The following BRF1 variants were observed in gnomAD, a reference collection of about 807,000 sequenced individuals.
BRF1 encodes the protein transcription factor IIIB 90 kDa subunit.
A neutral mutation model predicts 81.7 loss-of-function variants in BRF1; 59 were observed. That is an observed-to-expected ratio of 0.72 (90% confidence interval 0.59 to 0.90). BRF1 has a LOEUF of 0.90. BRF1 is among the 40% of genes least tolerant of loss of function. The pLI, the probability that BRF1 is intolerant of heterozygous loss-of-function variation, is 0.00. For synonymous variants in BRF1, 491 were observed against 395.6 expected (o/e 1.24, Z -2.86); for missense variants, 1,050 against 936.3 (o/e 1.12, Z -1.58).
Position 105,241,701 on chromosome 14 carries a change from G to A in BRF1, c.545-287C>T, listed in dbSNP as rs1437477571. ...TGGCCGCCCTGCTCAGGACACAGAGGGGCGCACACCCAGCAGCCTTCCCTC... is the reference window on the plus strand; with the variant it reads ...TGGCCGCCCTGCTCAGGACACAGAGAGGCGCACACCCAGCAGCCTTCCCTC... On this transcript the variant is annotated intron_variant, in intron 5 of 17. Coordinates refer to ENST00000547530, the MANE Select transcript of BRF1 (RefSeq NM_001519.4). The A allele has an allele frequency of 2.1e-5, 10 of 483,186 alleles. No individual in the cohort carries two copies. In the Admixed American group the frequency reaches 3.0e-4, roughly 14 times the overall value. The allele number at this position is 483,186 out of a possible 1,614,324, so 29.9% of individuals were successfully genotyped here. A position where few individuals can be genotyped will look rare whatever the true frequency, so the allele number is the denominator to read the frequency against.
intron 7 of BRF1, among the ~76,000 whole-genome samples, 160 bp downstream of exon 7, chr14:105,228,660 G>A (rs970530489): frequency 7.2e-5 from 11 of 152,098 alleles, no homozygotes; most frequent in Non-Finnish European, 1.6e-4. Flanking sequence ...CCACCAGCAC[G>A]TCCAAGCCAT....
Position 105,221,640 on chromosome 14 carries a change from G to A in BRF1, c.1315+8C>T, listed in dbSNP as rs747215596. 3.7e-6 allele frequency: 6 copies of A among 1,607,586 alleles called. 1 individual carries two copies. In the East Asian group the frequency reaches 1.3e-4, roughly 36 times the overall value. On this transcript the variant is annotated splice_region_variant and intron_variant, in intron 11 of 17. Transcript: ENST00000547530. ...CTCAGCGTCCCCCAGGGCCCCATCA[G>A]AACTCACTGGGGTCGCTGCTCTGAG...
At chr14:105,313,057 G>A (rs143538133) in intron 1 of BRF1, among the ~76,000 whole-genome samples, 1 of 152,278 alleles carries the variant, frequency 6.6e-6, no homozygotes, top group African/African-American at 2.4e-5. Flanking sequence ...GAGGGGCACC[G>A]CTCAATGGTG....
In BRF1 at chr14:105,251,156, G is replaced by A. The variant is rs200482515; in HGVS notation, c.544+1351C>T. On this transcript the variant is annotated intron_variant, in intron 5 of 17. Coordinates refer to ENST00000547530, the MANE Select transcript of BRF1 (RefSeq NM_001519.4). ...GGGGTATTCTCTTTCTCATGCAACA[G>A]AACAGCTCCCTCCCATCCCGAGGAG... 6 of 164,914 alleles carry A rather than the reference G, an allele frequency of 3.6e-5. No individual in the cohort carries two copies. In the East Asian group the frequency reaches 5.2e-4, roughly 14 times the overall value. The allele number at this position is 164,914 out of a possible 1,614,324, so 10.2% of individuals were successfully genotyped here. A position where few individuals can be genotyped will look rare whatever the true frequency, so the allele number is the denominator to read the frequency against.
chr14:105,281,141 T>C (rs1362270560), intron 2 of BRF1, among the ~76,000 whole-genome samples: 28 of 128,438 alleles, frequency 2.2e-4, no homozygotes, highest in African/African-American at 6.8e-4. Flanking sequence ...CCCGGGTGTG[T>C]GGATACAGGC....
At chr14:105,260,706 G>A (rs2056108933) in intron 3 of BRF1, among the ~76,000 whole-genome samples, 1 of 152,172 alleles carries the variant, frequency 6.6e-6, no homozygotes, top group Admixed American at 6.5e-5. Context: ...AATGGGATAA[G>A]TGTGTACATT....
chr14:105,265,707 C>G (rs903024532), intron 3 of BRF1, among the ~76,000 whole-genome samples: 3 of 151,978 alleles, frequency 2.0e-5, no homozygotes, highest in African/African-American at 7.3e-5. Context: ...ACCATCCTGG[C>G]TAACACAGTG....
intron 1 of BRF1, among the ~76,000 whole-genome samples, chr14:105,298,648 T>C (rs1418760168): frequency 7.0e-6 from 1 of 143,370 alleles, no homozygotes; most frequent in Non-Finnish European, 1.5e-5. Context: ...TGAGGTCAGG[T>C]GTTCAAGACC....
At chr14:105,278,351 G>C (rs1012420795) in intron 2 of BRF1, among the ~76,000 whole-genome samples, 1 of 151,498 alleles carries the variant, frequency 6.6e-6, no homozygotes, top group South Asian at 2.1e-4. Flanking sequence ...AGGACTGCTT[G>C]AGCTTGGAAG....
intron 7 of BRF1, chr14:105,227,075 C>T: frequency 3.2e-6 from 1 of 309,026 alleles, no homozygotes; most frequent in Non-Finnish European, 6.0e-6. Flanking sequence ...GTGATAGCGC[C>T]ACTGGCCTCC....
At chr14:105,306,541 G>C (rs1195740111) in intron 1 of BRF1, among the ~76,000 whole-genome samples, 1 of 151,942 alleles carries the variant, frequency 6.6e-6, no homozygotes, top group African/African-American at 2.4e-5. Flanking sequence ...CTGACCTCGT[G>C]ATCTGCCCAC....
rs189021889 is a variant in BRF1 at position 105,229,257 on chromosome 14, C to T, written c.695-344G>A. Among the ~76,000 whole-genome samples the T allele has an allele frequency of 2.7e-3, 410 of 152,336 alleles. 3 individuals are homozygous for T. The highest frequency in any genetic ancestry group is 4.5e-3 in the Admixed American group (69 of 15,298). Reference sequence around the variant, plus strand: ...ATGGGAGCTGGGGACTCTGAGGATGCGGAGCCAGGCTGGGCAGGAAAGGGG... The same window carrying T: ...ATGGGAGCTGGGGACTCTGAGGATGTGGAGCCAGGCTGGGCAGGAAAGGGG... On this transcript the variant is annotated intron_variant, in intron 6 of 17. Transcript: ENST00000547530.
At chr14:105,244,497 T>C (rs587679015) in intron 5 of BRF1, among the ~76,000 whole-genome samples, 2 of 145,952 alleles carry the variant, frequency 1.4e-5, no homozygotes, top group Non-Finnish European at 3.1e-5. Flanking sequence ...AATCTGTCAG[T>C]GACTAGGGTG....
At chr14:105,248,429 G>T in intron 5 of BRF1, 1 of 985,330 alleles carries the variant, frequency 1.0e-6, no homozygotes, top group Non-Finnish European at 1.2e-6. Flanking sequence ...TGCACAGCGC[G>T]CGGCTCGCGC....
At chr14:105,249,926 C>T (rs764258844) in intron 5 of BRF1, 5 of 1,611,380 alleles carry the variant, frequency 3.1e-6, no homozygotes, top group East Asian at 2.2e-5. Flanking sequence ...CATTGTCACT[C>T]GGGAGGCCCT....
chr14:105,241,090 A>C (rs952150927), intron 6 of BRF1, among the ~76,000 whole-genome samples, 175 bp downstream of exon 6: 8 of 152,206 alleles, frequency 5.3e-5, no homozygotes, highest in Non-Finnish European at 1.0e-4. Flanking sequence ...GGCAGCCAGG[A>C]GGTCCTGGAG....
intron 5 of BRF1, chr14:105,249,109 C>T: frequency 6.7e-7 from 1 of 1,500,652 alleles, no homozygotes; most frequent in Non-Finnish European, 8.8e-7. Context: ...CCGCGGCCCC[C>T]GCGCCCGCGC....
chr14:105,286,166 G>C (rs913486620), intron 2 of BRF1, 130 bp downstream of exon 2: 22 of 1,036,452 alleles, frequency 2.1e-5, no homozygotes, highest in Non-Finnish European at 2.9e-5. Flanking sequence ...AGCCTGGGCT[G>C]GGCGTGCAGG....
chr14:105,252,671 T>C (rs1218026047), intron 4 of BRF1, 92 bp from the exon 5 acceptor site: 1 of 1,366,572 alleles, frequency 7.3e-7, no homozygotes, highest in Admixed American at 2.2e-5. Flanking sequence ...GTGCAGTCTT[T>C]AAAGACTCCG....
Sources: gnomAD v4.1 joint callset for allele counts (sites outside exome capture counted in the v4.1 genomes callset) on GRCh38, gnomAD v4.1.1 for gene constraint, MANE v1.5 for transcripts, NCBI Gene and HGNC (gene_info 2026-07-23, HGNC 2026-07-21) for gene names.